The following MED13 variants were observed in gnomAD, a reference collection of about 807,000 sequenced individuals.
MED13 encodes the protein mediator of RNA polymerase II transcription subunit 13.
MED13 carries 23 observed loss-of-function variants against 225.2 expected under a neutral mutation model. The observed-to-expected ratio is 0.10, with a 90% CI of 0.07 to 0.14. MED13 has a LOEUF of 0.14. MED13 is among the 10% of genes least tolerant of loss of function. MED13 has a pLI of 1.00. For synonymous variants in MED13, 942 were observed against 889.2 expected, an observed-to-expected ratio of 1.06 and a Z score of -1.06; for missense variants, 2,197 against 2,594.5, an observed-to-expected ratio of 0.85 and a Z score of 3.33.
intron 18 of MED13, among the ~76,000 whole-genome samples, chr17:61,967,461 A>C (rs965879495): frequency 1.3e-5 from 2 of 152,226 alleles, no homozygotes; most frequent in Admixed American, 6.5e-5. Flanking sequence ...AGGAATCAAA[A>C]TTTAAAGACT....
intron 3 of MED13, among the ~76,000 whole-genome samples, chr17:62,050,717 T>C (rs1053729691): frequency 6.6e-6 from 1 of 152,072 alleles, no homozygotes; most frequent in South Asian, 2.1e-4. Context: ...TAAATCTATA[T>C]GCCTGGCTGG....
chr17:61,963,407 C>T (rs1192652598), intron 20 of MED13, among the ~76,000 whole-genome samples: 1 of 151,880 alleles, frequency 6.6e-6, no homozygotes, highest in African/African-American at 2.4e-5. Context: ...AGAAAGAAAC[C>T]ACGTTTCCAG....
chr17:61,982,992 G>A lies in MED13; in HGVS notation c.3011C>T (p.Pro1004Leu). The change falls in exon 16 of 30, where the codon CCA becomes CTA. Residue 1004 changes from proline to leucine, a missense_variant. This residue lies in a region of MED13 where 99 missense variants were observed against 158.5 expected (regional missense o/e 0.62). Transcript: ENST00000397786. Reference sequence around the variant, plus strand: ...TGGAGTTGGAAACCGAGGGGTGGATGGAGAAGGAAGAATTCCTGCTCCGCT... The same window carrying A: ...TGGAGTTGGAAACCGAGGGGTGGATAGAGAAGGAAGAATTCCTGCTCCGCT... Reference protein sequence around the residue: ...SNSGAGILPSPSTPRFPTPRT... With the variant: ...SNSGAGILPSLSTPRFPTPRT... 1 of 1,614,082 alleles carries A rather than the reference G, an allele frequency of 6.2e-7. No homozygotes were observed. Among genetic ancestry groups the A allele is most frequent in the East Asian group, 2.2e-5 (1 of 44,886 alleles).
chr17:61,964,002 A>T (rs1400679667), intron 20 of MED13, among the ~76,000 whole-genome samples: 1 of 152,212 alleles, frequency 6.6e-6, no homozygotes, highest in East Asian at 1.9e-4. Flanking sequence ...AGAAAGTTAG[A>T]GTTTCCCCGA....
chr17:62,045,768 T>C (rs2080892349), intron 3 of MED13, among the ~76,000 whole-genome samples: 1 of 152,172 alleles, frequency 6.6e-6, no homozygotes, highest in Non-Finnish European at 1.5e-5. Context: ...TTTAAACCAA[T>C]TATCTGAAGA....
chr17:61,993,339 T>C (rs1197330694), intron 10 of MED13, among the ~76,000 whole-genome samples: 1 of 151,238 alleles, frequency 6.6e-6, no homozygotes, highest in Admixed American at 6.6e-5. Context: ...GCAGCTGAGA[T>C]TACAGGCATG....
chr17:62,043,979 T>TA (rs1000149986), intron 3 of MED13, among the ~76,000 whole-genome samples: 9 of 152,244 alleles, frequency 5.9e-5, no homozygotes, highest in Non-Finnish European at 1.0e-4. Context: ...AATGAGTCCA[T>TA]AAAAAACCTA....
rs935580669 is a variant in MED13 at position 61,975,106 on chromosome 17, C to T, written c.3806-2218G>A. Among the ~76,000 whole-genome samples, 11 of 150,992 alleles carry T rather than the reference C, an allele frequency of 7.3e-5. 1 individual carries two copies. The highest frequency in any genetic ancestry group is 1.7e-4 in the African/African-American group (7 of 41,022). The stretch of plus-strand genomic sequence containing the variant: ...ATCCCTTGAATCCAAGAGTTTGAGA[C>T]CAGCCTGGGCAAAGTAGCAAGACCC... On this transcript the variant is annotated intron_variant, in intron 16 of 29. Coordinates refer to ENST00000397786, the MANE Select transcript of MED13 (RefSeq NM_005121.3).
At chr17:61,965,587 G>A (rs1483820007) in intron 19 of MED13, 119 bp from the exon 20 acceptor site, 14 of 1,001,610 alleles carry the variant, frequency 1.4e-5, no homozygotes, top group South Asian at 3.5e-5. Flanking sequence ...TTATAGCCCC[G>A]AAATTGCTTG....
At chr17:61,967,729 C>CT (rs1266688290) in intron 18 of MED13, among the ~76,000 whole-genome samples, 1 of 152,144 alleles carries the variant, frequency 6.6e-6, no homozygotes, top group Non-Finnish European at 1.5e-5. Context: ...GTAAATGTAA[C>CT]TTTTTTCCTG....
rs766469746 is a variant in MED13 at position 61,965,077 on chromosome 17, A to AC, written c.4772_4773insG (p.Leu1592SerfsTer20). On this transcript the variant is annotated frameshift_variant, in exon 20 of 30. Coordinates refer to ENST00000397786, the MANE Select transcript of MED13 (RefSeq NM_005121.3). LOFTEE classifies it high-confidence loss of function. ...CTCCAGAAATCCCAGCTGTCTGTAG[A>AC]GCTGATGTCTGTTGCCCTCCTAGCT... is the stretch of plus-strand genomic sequence containing the variant. The AC allele has an allele frequency of 2.5e-6, 4 of 1,614,182 alleles. 1 individual carries two copies.
rs1294146393 is a variant in MED13, at chr17:62,015,940, ATATATATATATATATTTTTTTTTTT to A, written c.1284-4732_1284-4708del. The stretch of plus-strand genomic sequence containing the variant: ...CATATATATATATATATATATATAT[ATATATATATATATATTTTTTTTTTT>A]TTTTTTTTTTTTTTTTTTAGTAGAG... On this transcript the variant is annotated intron_variant, in intron 8 of 29. Coordinates refer to ENST00000397786, the MANE Select transcript of MED13 (RefSeq NM_005121.3). Among the ~76,000 whole-genome samples, 25 of 9,638 alleles carry A rather than the reference ATATATATATATATATTTTTTTTTTT, an allele frequency of 2.6e-3. No individual in the cohort carries two copies. In the South Asian group the frequency reaches 0.068, roughly 26 times the overall value. 6.3% of individuals were successfully genotyped at this position (9,638 alleles called of 152,430 possible). A position where few individuals can be genotyped will look rare whatever the true frequency, so the allele number is the denominator to read the frequency against.
chr17:62,005,352 T>A lies in MED13; in HGVS notation c.1967+5198A>T, dbSNP rs371690649. 97 of 152,204 alleles carry A rather than the reference T, an allele frequency of 6.4e-4. No individual in the cohort carries two copies. In the East Asian group the frequency reaches 0.018, roughly 28 times the overall value. The allele number at this position is 152,204 out of a possible 1,614,324, so 9.4% of individuals were successfully genotyped here. On this transcript the variant is annotated intron_variant, in intron 9 of 29. Coordinates refer to ENST00000397786, the MANE Select transcript of MED13 (RefSeq NM_005121.3). ...TGGGCAGAGTGGCTCGTGTCTGTAATCCCAGCACTTGGGGAGGCTGACACA... is the reference window on the plus strand; with the variant it reads ...TGGGCAGAGTGGCTCGTGTCTGTAAACCCAGCACTTGGGGAGGCTGACACA...
At chr17:62,016,282 C>T (rs539106742) in intron 8 of MED13, among the ~76,000 whole-genome samples, 1 of 151,870 alleles carries the variant, frequency 6.6e-6, no homozygotes, top group East Asian at 1.9e-4. Context: ...GCGATTAGCG[C>T]TCACTACAGC....
intron 8 of MED13, among the ~76,000 whole-genome samples, chr17:62,020,895 T>G (rs537422389): frequency 0.085 from 12,832 of 151,062 alleles, 1,826 homozygotes; most frequent in African/African-American, 0.3. Context: ...TGACTCTTAA[T>G]GAGCATGCTG....
At chr17:62,062,876 C>T (rs926854544) in intron 2 of MED13, among the ~76,000 whole-genome samples, 191 bp downstream of exon 2, 1 of 152,146 alleles carries the variant, frequency 6.6e-6, no homozygotes, top group Non-Finnish European at 1.5e-5. Context: ...GCCTTAAAAA[C>T]CCAGCTATAA....
intron 1 of MED13, among the ~76,000 whole-genome samples, chr17:62,064,761 G>C (rs1249414594): frequency 6.6e-6 from 1 of 152,160 alleles, no homozygotes; most frequent in Admixed American, 6.5e-5. Context: ...TAAAGGCGGT[G>C]GGGAGCAGGG....
At chr17:61,990,116 GCCCA>G (rs1050395072) in intron 11 of MED13, among the ~76,000 whole-genome samples, 5 of 151,870 alleles carry the variant, frequency 3.3e-5, no homozygotes, top group Non-Finnish European at 7.4e-5. Context: ...GACTTACTTT[GCCCA>G]CATCAAAAGT....
At position 61,992,575 on chromosome 17, in the gene MED13, T is replaced by C. The variant is rs770389572; in HGVS notation, c.2228A>G (p.Asp743Gly). The change falls in exon 11 of 30, where the codon GAT (aspartate) becomes GGT (glycine). Residue 743 changes from aspartate to glycine, a missense_variant. Physicochemically the swap from Asp to Gly is moderately conservative, Grantham distance 94. Transcript: ENST00000397786. ...SSVTVLSHEE[D>G]AMSLFSPSIK... ...AGAGGGACTAAATAATGACATAGCA[T>C]CTTCTTCATGTGATAACACTGTTAC... 6 of 1,612,122 alleles carry C rather than the reference T, an allele frequency of 3.7e-6. No homozygotes were observed. Among genetic ancestry groups the C allele is most frequent in the Non-Finnish European group, 5.1e-6 (6 of 1,178,442 alleles).
Sources: gnomAD v4.1 joint callset for allele counts (sites outside exome capture counted in the v4.1 genomes callset) on GRCh38, gnomAD v4.1.1 for gene constraint, gnomAD v4.1.1 regional missense constraint, MANE v1.5 for transcripts, NCBI Gene and HGNC (gene_info 2026-07-23, HGNC 2026-07-21) for gene names.